The following SNTG1 variants were observed in gnomAD, a reference collection of about 807,000 sequenced individuals.
SNTG1 encodes syntrophin gamma 1, also known as gamma-1-syntrophin.
Under a neutral mutation model 74.7 loss-of-function variants are expected in SNTG1, and 39 were observed. The observed-to-expected ratio is 0.52, with a 90% CI of 0.40 to 0.68. The LOEUF (loss-of-function observed/expected upper bound fraction) is 0.68, where lower values mean the gene tolerates loss of function less well. Among genes scored for constraint, SNTG1 ranks in the 30% least tolerant of loss-of-function variants. SNTG1 has a pLI of 0.00. For missense variants in SNTG1, 685 were observed against 609.5 expected, an observed-to-expected ratio of 1.12 and a Z score of -1.30; for synonymous variants, 254 against 217.1, an observed-to-expected ratio of 1.17 and a Z score of -1.49.
At chr8:50,329,453 C>G (rs564732173) in intron 2 of SNTG1, among the ~76,000 whole-genome samples, 19 of 152,222 alleles carry the variant, frequency 1.2e-4, no homozygotes, top group African/African-American at 4.6e-4. Context: ...GTTCCCAAAC[C>G]TCAATTCTTG....
rs976257345 is a variant in SNTG1, at chr8:50,141,362, T to C, written c.-102-31199T>C. 2.6e-5 allele frequency among the ~76,000 whole-genome samples: 4 copies of C among 152,190 alleles called. No homozygotes were observed. The South Asian group carries it at 6.2e-4, about 24-fold the overall frequency. Reference sequence around the variant, plus strand: ...CCCTTAGTCTGCATTTTTTCATTTGTTTCACTTTTGTTTTTAATTTCCAGA... The same window carrying C: ...CCCTTAGTCTGCATTTTTTCATTTGCTTCACTTTTGTTTTTAATTTCCAGA... On this transcript the variant is annotated intron_variant, in intron 1 of 18. Coordinates refer to ENST00000642720, the MANE Select transcript of SNTG1 (RefSeq NM_018967.5).
intron 1 of SNTG1, among the ~76,000 whole-genome samples, chr8:49,920,645 A>G (rs1806454066): frequency 6.6e-6 from 1 of 152,136 alleles, no homozygotes; most frequent in East Asian, 1.9e-4. Flanking sequence ...TAGATTCTCA[A>G]GAATCTTGAA....
At chr8:50,154,680 C>G (rs930792957) in intron 1 of SNTG1, among the ~76,000 whole-genome samples, 2 of 152,168 alleles carry the variant, frequency 1.3e-5, no homozygotes, top group Non-Finnish European at 2.9e-5. Context: ...CATGGGGAAG[C>G]ATTGAACTAA....
At chr8:50,687,802 G>A (rs6991518) in intron 15 of SNTG1, among the ~76,000 whole-genome samples, 50,743 of 151,722 alleles carry the variant, frequency 0.33, 10,984 homozygotes, top group African/African-American at 0.61. Flanking sequence ...ATTCCCACCC[G>A]GGAGTGAGAA....
At chr8:50,781,422 C>T (rs181954713) in intron 18 of SNTG1, among the ~76,000 whole-genome samples, 5 of 152,220 alleles carry the variant, frequency 3.3e-5, no homozygotes, top group South Asian at 4.1e-4. Context: ...GGAGAGTTAG[C>T]TCTTCTTGTT....
chr8:50,643,066 A>C (rs767435373), intron 13 of SNTG1, among the ~76,000 whole-genome samples: 7 of 151,424 alleles, frequency 4.6e-5, no homozygotes, highest in Admixed American at 1.3e-4. Flanking sequence ...AAAAAAACAA[A>C]CAACCTTGGG....
chr8:49,954,932 C>T (rs1451436693), intron 1 of SNTG1, among the ~76,000 whole-genome samples: 1 of 152,108 alleles, frequency 6.6e-6, no homozygotes, highest in Non-Finnish European at 1.5e-5. Flanking sequence ...TTCCAGTAAG[C>T]AGAATGTTTA....
intron 8 of SNTG1, among the ~76,000 whole-genome samples, chr8:50,474,400 T>A: frequency 6.7e-6 from 1 of 149,316 alleles, no homozygotes; most frequent in African/African-American, 2.5e-5. Flanking sequence ...AACAACCCCA[T>A]CAAAAAGTGG....
intron 8 of SNTG1, among the ~76,000 whole-genome samples, chr8:50,477,214 A>C (rs1179275144): frequency 1.3e-5 from 2 of 151,996 alleles, no homozygotes; most frequent in African/African-American, 2.4e-5. Context: ...TGAAGAATGA[A>C]GTATGAAAAG....
intron 1 of SNTG1, among the ~76,000 whole-genome samples, chr8:50,023,682 A>C (rs2130698495): frequency 6.6e-6 from 1 of 152,158 alleles, no homozygotes; most frequent in East Asian, 1.9e-4. Context: ...CTTTTACAAC[A>C]ACCACCACAT....
intron 8 of SNTG1, among the ~76,000 whole-genome samples, chr8:50,474,520 C>T (rs2093679878): frequency 6.6e-6 from 1 of 152,070 alleles, no homozygotes. Flanking sequence ...ATCAAAACCG[C>T]AATGAGATAC....
intron 2 of SNTG1, among the ~76,000 whole-genome samples, chr8:50,248,688 A>C (rs1483773193): frequency 6.6e-6 from 1 of 152,186 alleles, no homozygotes; most frequent in African/African-American, 2.4e-5. Flanking sequence ...TAAGGTACAG[A>C]ATACACGGCA....
At chr8:50,570,938 GT>G (rs904690845) in intron 12 of SNTG1, among the ~76,000 whole-genome samples, 5 of 152,040 alleles carry the variant, frequency 3.3e-5, no homozygotes, top group Non-Finnish European at 7.4e-5. Flanking sequence ...CCTCCACACA[GT>G]TTTCCATAGT....
At chr8:50,215,004 T>C (rs1192845747) in intron 2 of SNTG1, among the ~76,000 whole-genome samples, 1 of 152,082 alleles carries the variant, frequency 6.6e-6, no homozygotes, top group African/African-American at 2.4e-5. Flanking sequence ...AAGAAATCTG[T>C]TTTCCTCTTC....
intron 9 of SNTG1, among the ~76,000 whole-genome samples, chr8:50,526,959 C>T (rs992215999): frequency 2.6e-5 from 4 of 152,070 alleles, no homozygotes; most frequent in African/African-American, 4.8e-5. Flanking sequence ...CCACTGTGTT[C>T]CCCAGAAAGG....
intron 2 of SNTG1, among the ~76,000 whole-genome samples, chr8:50,246,165 T>C (rs965580694): frequency 1.3e-5 from 2 of 151,140 alleles, no homozygotes; most frequent in African/African-American, 4.9e-5. Context: ...GTAGATATTG[T>C]CTGATCATTT....
rs1190868631 is a variant in SNTG1, at chr8:50,338,085, G to A, written c.-27-56127G>A. Reference sequence around the variant, plus strand: ...TGGGAGGCGGAGCTTGCAGTGAGCCGAGATTGCGCCTGCACTCCAGACTGG... The same window carrying A: ...TGGGAGGCGGAGCTTGCAGTGAGCCAAGATTGCGCCTGCACTCCAGACTGG... On this transcript the variant is annotated intron_variant, in intron 2 of 18. Transcript: ENST00000642720. Among the ~76,000 whole-genome samples, 5 of 29,334 alleles carry A rather than the reference G, an allele frequency of 1.7e-4. No homozygotes were observed. In the Non-Finnish European group the frequency reaches 0.017, roughly 98 times the overall value. 19.2% of individuals were successfully genotyped at this position (29,334 alleles called of 152,430 possible). A position where few individuals can be genotyped will look rare whatever the true frequency, so the allele number is the denominator to read the frequency against.
chr8:50,229,073 T>C (rs1214918501), intron 2 of SNTG1, among the ~76,000 whole-genome samples: 1 of 151,646 alleles, frequency 6.6e-6, no homozygotes, highest in African/African-American at 2.4e-5. Context: ...ATTGTGGATT[T>C]AGATCAGCTA....
At chr8:50,286,331 C>G (rs1354565842) in intron 2 of SNTG1, among the ~76,000 whole-genome samples, 1 of 152,064 alleles carries the variant, frequency 6.6e-6, no homozygotes, top group Non-Finnish European at 1.5e-5. Context: ...TGTATCTGTC[C>G]CAATGTGACA....
Sources: gnomAD v4.1 joint callset for allele counts (sites outside exome capture counted in the v4.1 genomes callset) on GRCh38, gnomAD v4.1.1 for gene constraint, MANE v1.5 for transcripts, NCBI Gene and HGNC (gene_info 2026-07-23, HGNC 2026-07-21) for gene names.